DRC8: variants seen among roughly 807,000 people sequenced by gnomAD.
DRC8 encodes dynein regulatory complex protein 8.
chr1:245,042,657 G>A, the DRC8 span, among the ~76,000 whole-genome samples: 15 of 152,214 alleles, frequency 9.9e-5, no homozygotes, highest in African/African-American at 3.6e-4. Flanking sequence ...AGACATTTTT[G>A]GATTGCTTTA....
the DRC8 span, among the ~76,000 whole-genome samples, chr1:245,105,651 AC>A: frequency 1.3e-5 from 2 of 151,840 alleles, no homozygotes; most frequent in Non-Finnish European, 2.9e-5. Flanking sequence ...AAAAACAAAA[AC>A]AAAAACCCAA....
At chr1:245,121,997 C>G in the DRC8 span, 4 of 382,388 alleles carry the variant, frequency 1.0e-5, no homozygotes, top group South Asian at 4.1e-5. Context: ...CTCCCGGGTT[C>G]AAGAGATTCT....
the DRC8 span, among the ~76,000 whole-genome samples, chr1:245,097,318 C>T: frequency 2.0e-5 from 3 of 152,040 alleles, no homozygotes; most frequent in South Asian, 2.1e-4. The surrounding 1 kb of genome is among the most constrained non-coding windows in gnomAD (Gnocchi z 5.0). Context: ...GTCAGGAGTT[C>T]GAGACCAGCT....
the DRC8 span, chr1:244,970,436 CAGGGA>C: frequency 8.5e-6 from 13 of 1,534,602 alleles, no homozygotes; most frequent in East Asian, 3.2e-4. Context: ...ACGAGAAGGA[CAGGGA>C]AGGTAAGGTA....
At chr1:245,017,298 C>T in the DRC8 span, 2 of 1,609,098 alleles carry the variant, frequency 1.2e-6, no homozygotes, top group South Asian at 1.1e-5. Flanking sequence ...AGTCTTTGAC[C>T]ATGAGTCGAA....
At chr1:245,097,296 G>A in the DRC8 span, among the ~76,000 whole-genome samples, 1 of 152,274 alleles carries the variant, frequency 6.6e-6, no homozygotes, top group Non-Finnish European at 1.5e-5. This position sits in a 1 kb window ranked among gnomAD's most constrained non-coding sequence, Gnocchi z 5.0. Flanking sequence ...CAAGGTGGGT[G>A]GATCACTTGA....
At chr1:245,016,840 G>A in the DRC8 span, among the ~76,000 whole-genome samples, 1 of 152,192 alleles carries the variant, frequency 6.6e-6, no homozygotes, top group Admixed American at 6.5e-5. Flanking sequence ...CTGTTGATAA[G>A]CAAACAGTAT....
the DRC8 span, among the ~76,000 whole-genome samples, chr1:245,034,138 T>C: frequency 1.3e-5 from 2 of 152,226 alleles, no homozygotes; most frequent in East Asian, 3.8e-4. Context: ...CTTCTTTTCA[T>C]TTACACCCTT....
At chr1:244,993,384 C>T in the DRC8 span, among the ~76,000 whole-genome samples, 4 of 152,320 alleles carry the variant, frequency 2.6e-5, 1 homozygote, top group Middle Eastern at 0.01. Context: ...ATTACAGCAT[C>T]AGCTCAAAGT....
chr1:245,005,304 C>T, the DRC8 span, among the ~76,000 whole-genome samples: 15 of 151,348 alleles, frequency 9.9e-5, no homozygotes, highest in Non-Finnish European at 4.4e-5. Flanking sequence ...GCAGTGCTTC[C>T]GTCTCTTCAA....
chr1:245,019,845 G>T, the DRC8 span, among the ~76,000 whole-genome samples: 1 of 152,164 alleles, frequency 6.6e-6, no homozygotes, highest in East Asian at 1.9e-4. Context: ...TGCACCTGTA[G>T]TCCCAGCTGC....
the DRC8 span, among the ~76,000 whole-genome samples, chr1:244,986,852 G>A: frequency 9.9e-5 from 15 of 152,154 alleles, no homozygotes; most frequent in Non-Finnish European, 2.1e-4. Context: ...GGAGGAAATG[G>A]CAGAGAAGGT....
chr1:245,005,724 G>C, the DRC8 span, among the ~76,000 whole-genome samples: 1 of 152,168 alleles, frequency 6.6e-6, no homozygotes, highest in Non-Finnish European at 1.5e-5. Flanking sequence ...AGACAAATAA[G>C]TAAACTGCTA....
chr1:245,117,653 C>A, the DRC8 span, among the ~76,000 whole-genome samples: 1 of 152,058 alleles, frequency 6.6e-6, no homozygotes, highest in East Asian at 1.9e-4. Context: ...TAACTCCTGA[C>A]CTCACACATC....
chr1:244,993,359 C>T, the DRC8 span, among the ~76,000 whole-genome samples: 6 of 152,110 alleles, frequency 3.9e-5, no homozygotes, highest in East Asian at 1.9e-4. Flanking sequence ...ATGGGCCTTC[C>T]GTCCCATTAC....
At chr1:245,001,839 A>C in the DRC8 span, among the ~76,000 whole-genome samples, 3 of 152,150 alleles carry the variant, frequency 2.0e-5, no homozygotes, top group East Asian at 5.8e-4. Context: ...GGTTCTGCCA[A>C]CCCTTCAGTT....
chr1:245,014,933 T>C, the DRC8 span, among the ~76,000 whole-genome samples: 1 of 152,206 alleles, frequency 6.6e-6, no homozygotes, highest in Admixed American at 6.5e-5. Flanking sequence ...GAAGAAAGAT[T>C]GGAAGAAAAT....
chr1:244,997,059 A>G, the DRC8 span, among the ~76,000 whole-genome samples: 1 of 152,320 alleles, frequency 6.6e-6, no homozygotes, highest in African/African-American at 2.4e-5. Flanking sequence ...TTTATACTGT[A>G]TTGTTTAGGG....
the DRC8 span, among the ~76,000 whole-genome samples, chr1:244,990,253 T>G: frequency 6.6e-6 from 1 of 152,242 alleles, no homozygotes; most frequent in Admixed American, 6.5e-5. Context: ...ATAAGATATT[T>G]TGAGAGAGGC....
Sources: allele counts gnomAD v4.1 joint callset (sites outside exome capture counted in the v4.1 genomes callset), GRCh38; gene constraint gnomAD v4.1.1; non-coding constraint Gnocchi (gnomAD v3.1); transcripts MANE v1.5; gene names NCBI Gene and HGNC (gene_info 2026-07-23, HGNC 2026-07-21).